Variants in CSMD1 observed in about 807,000 individuals in gnomAD.
The protein encoded by CSMD1 is CUB and sushi domain-containing protein 1.
Under a neutral mutation model 417.5 loss-of-function variants are expected in CSMD1, and 213 were observed. The ratio of observed to expected loss-of-function variants is 0.51; its 90% confidence interval spans 0.46 to 0.57. CSMD1 has a LOEUF of 0.57. Among genes scored for constraint, CSMD1 ranks in the 20% least tolerant of loss-of-function variants. The probability of loss-of-function intolerance (pLI) is 0.00; values close to 1 mark genes in which losing one functional copy is unlikely to be tolerated. For missense variants in CSMD1, 6,923 were observed against 4,529.7 expected (o/e 1.53, Z -15.17); for synonymous variants, 2,862 against 1,736.8 (o/e 1.65, Z -16.11).
At chr8:3,152,208 T>C (rs544528977) in intron 39 of CSMD1, among the ~76,000 whole-genome samples, 21 of 152,340 alleles carry the variant, frequency 1.4e-4, no homozygotes, top group African/African-American at 4.3e-4. Context: ...TTGCCTTATC[T>C]TGGCGACTCA....
At chr8:4,335,042 C>G (rs985748607) in intron 3 of CSMD1, among the ~76,000 whole-genome samples, 1 of 152,088 alleles carries the variant, frequency 6.6e-6, no homozygotes, top group Non-Finnish European at 1.5e-5. Context: ...GCTGGGACCA[C>G]AGATGCACAC....
At chr8:3,810,839 G>T (rs887295427) in intron 5 of CSMD1, among the ~76,000 whole-genome samples, 2 of 152,070 alleles carry the variant, frequency 1.3e-5, no homozygotes, top group African/African-American at 4.8e-5. Context: ...TCAAAGATGG[G>T]GCCATTGATC....
intron 1 of CSMD1, among the ~76,000 whole-genome samples, chr8:4,964,499 C>A (rs1193703931): frequency 5.9e-4 from 12 of 20,440 alleles, no homozygotes; most frequent in African/African-American, 5.2e-3. Context: ...AAGACCCTGT[C>A]TCCAAAAAAA....
chr8:4,344,708 G>A (rs554265870), intron 3 of CSMD1, among the ~76,000 whole-genome samples: 115 of 152,044 alleles, frequency 7.6e-4, no homozygotes, highest in African/African-American at 2.7e-3. Context: ...AAATAAAAAG[G>A]CATATCCATC....
At chr8:4,358,966 GCA>G (rs10545077) in intron 3 of CSMD1, among the ~76,000 whole-genome samples, 93,203 of 151,038 alleles carry the variant, frequency 0.62, 29,935 homozygotes, top group African/African-American at 0.83. Flanking sequence ...AGAGTCTTGT[GCA>G]CACACACACA....
At chr8:4,336,184 G>A (rs776964192) in intron 3 of CSMD1, among the ~76,000 whole-genome samples, 13 of 152,110 alleles carry the variant, frequency 8.5e-5, no homozygotes, top group African/African-American at 1.4e-4. Context: ...TGCGGTCAGC[G>A]CTGGTTGACT....
chr8:4,110,169 T>C (rs1287062357), intron 3 of CSMD1, among the ~76,000 whole-genome samples: 1 of 152,140 alleles, frequency 6.6e-6, no homozygotes, highest in East Asian at 1.9e-4. Flanking sequence ...TGCCATTTCA[T>C]CTGGATCACA....
intron 12 of CSMD1, among the ~76,000 whole-genome samples, chr8:3,413,944 G>C (rs1404778883): frequency 2.0e-5 from 3 of 151,802 alleles, no homozygotes; most frequent in Non-Finnish European, 4.4e-5. Flanking sequence ...TTGGAGACCA[G>C]CCTGGCCAAC....
chr8:3,365,626 T>C (rs1809509518), intron 20 of CSMD1, among the ~76,000 whole-genome samples: 1 of 152,206 alleles, frequency 6.6e-6, no homozygotes, highest in South Asian at 2.1e-4. Flanking sequence ...AGTAAAATGT[T>C]AGGTATATCA....
chr8:3,582,353 A>T (rs1227757336), intron 9 of CSMD1, among the ~76,000 whole-genome samples: 1 of 152,092 alleles, frequency 6.6e-6, no homozygotes, highest in Admixed American at 6.6e-5. Context: ...GCAAATTGAG[A>T]CGCTACTTAA....
intron 3 of CSMD1, among the ~76,000 whole-genome samples, chr8:4,036,862 G>C (rs149843655): frequency 3.1e-4 from 47 of 152,276 alleles, no homozygotes; most frequent in Non-Finnish European, 5.6e-4. Flanking sequence ...CTCTGCATGA[G>C]GTATGTCCAG....
intron 5 of CSMD1, among the ~76,000 whole-genome samples, chr8:3,920,709 C>A (rs1385747973): frequency 6.6e-6 from 1 of 150,564 alleles, no homozygotes; most frequent in Non-Finnish European, 1.5e-5. Context: ...TTGTCAAATG[C>A]TTTTTTGTGC....
intron 12 of CSMD1, among the ~76,000 whole-genome samples, chr8:3,424,558 T>C (rs1236941493): frequency 6.6e-6 from 1 of 152,216 alleles, no homozygotes; most frequent in East Asian, 1.9e-4. Flanking sequence ...GTTTTTGTAA[T>C]TACACTTAGT....
intron 5 of CSMD1, among the ~76,000 whole-genome samples, chr8:3,875,815 G>A (rs1292395850): frequency 6.6e-6 from 1 of 152,170 alleles, no homozygotes; most frequent in African/African-American, 2.4e-5. Context: ...ACAGCTGAGA[G>A]CTTGAGGGAA....
chr8:4,725,818 G>C (rs1809395776), intron 1 of CSMD1, among the ~76,000 whole-genome samples: 1 of 152,136 alleles, frequency 6.6e-6, no homozygotes, highest in Middle Eastern at 3.2e-3. Context: ...TTGGAACTGA[G>C]TGTAATGTTC....
At chr8:3,342,119 T>A (rs1025014856) in intron 23 of CSMD1, among the ~76,000 whole-genome samples, 4 of 152,256 alleles carry the variant, frequency 2.6e-5, no homozygotes, top group African/African-American at 4.8e-5. Context: ...ATTTACTCAG[T>A]CTTTTCAATG....
intron 2 of CSMD1, among the ~76,000 whole-genome samples, chr8:4,624,727 G>A (rs781139791): frequency 1.3e-4 from 20 of 152,052 alleles, no homozygotes; most frequent in Non-Finnish European, 2.4e-4. Flanking sequence ...TCTGACACCT[G>A]CTCTGTTTCG....
intron 1 of CSMD1, among the ~76,000 whole-genome samples, chr8:4,639,141 C>A (rs1803037299): frequency 6.6e-6 from 1 of 152,168 alleles, no homozygotes; most frequent in Non-Finnish European, 1.5e-5. Flanking sequence ...CTTCATCCAC[C>A]TACTTTGCAG....
At position 3,872,018 on chromosome 8, in the gene CSMD1, G is replaced by T. The variant is rs573689218; in HGVS notation, c.819-117976C>A. ...TATGCAATGGTGTGCAGTGAGTATAGTGGTTAACACATTATTTTGGATACA... is the reference window on the plus strand; with the variant it reads ...TATGCAATGGTGTGCAGTGAGTATATTGGTTAACACATTATTTTGGATACA... On this transcript the variant is annotated intron_variant, in intron 5 of 69. Coordinates refer to ENST00000635120, the MANE Select transcript of CSMD1 (RefSeq NM_033225.6). 3.3e-5 allele frequency among the ~76,000 whole-genome samples: 5 copies of T among 152,318 alleles called. No individual in the cohort carries two copies. The East Asian group carries it at 9.7e-4, about 29-fold the overall frequency.
Sources: gnomAD v4.1 joint callset for allele counts (sites outside exome capture counted in the v4.1 genomes callset) on GRCh38, gnomAD v4.1.1 for gene constraint, MANE v1.5 for transcripts, NCBI Gene and HGNC (gene_info 2026-07-23, HGNC 2026-07-21) for gene names.